The following PTCHD4 variants were observed in gnomAD, a reference collection of about 807,000 sequenced individuals.
PTCHD4 encodes the protein patched domain containing 4.
A neutral mutation model predicts 58.1 loss-of-function variants in PTCHD4; 33 were observed. That is an observed-to-expected ratio of 0.57 (90% CI 0.43 to 0.76). The LOEUF (loss-of-function observed/expected upper bound fraction) is 0.76, where lower values mean the gene tolerates loss of function less well. Among genes scored for constraint, PTCHD4 ranks in the 30% least tolerant of loss-of-function variants. The pLI is 0.00. For missense variants in PTCHD4, 1,058 were observed against 1,027.1 expected (o/e 1.03, Z -0.41); for synonymous variants, 478 against 409.6 (o/e 1.17, Z -2.02).
intron 4 of PTCHD4, among the ~76,000 whole-genome samples, chr6:47,920,386 G>A (rs536383438): frequency 1.3e-5 from 2 of 152,260 alleles, no homozygotes; most frequent in Non-Finnish European, 2.9e-5. Flanking sequence ...GGGTCCAGAT[G>A]GGGAAACCTA....
chr6:47,933,509 A>C (rs1023523868), intron 4 of PTCHD4, among the ~76,000 whole-genome samples: 4 of 152,226 alleles, frequency 2.6e-5, no homozygotes, highest in Non-Finnish European at 5.9e-5. Context: ...TCCTGACTAT[A>C]AATCTCAATA....
At chr6:48,004,254 C>T (rs1409360729) in intron 4 of PTCHD4, among the ~76,000 whole-genome samples, 1 of 152,112 alleles carries the variant, frequency 6.6e-6, no homozygotes, top group East Asian at 1.9e-4. Context: ...ATCTGAAAGG[C>T]TTGTTTTTAC....
chr6:48,034,980 G>A (rs1763578992), intron 3 of PTCHD4, among the ~76,000 whole-genome samples: 1 of 152,048 alleles, frequency 6.6e-6, no homozygotes, highest in Non-Finnish European at 1.5e-5. Flanking sequence ...CCGAAGAAGG[G>A]GCGGGGACAT....
intron 1 of PTCHD4, among the ~76,000 whole-genome samples, chr6:48,110,183 A>G (rs972333586): frequency 6.6e-6 from 1 of 152,240 alleles, no homozygotes; most frequent in Non-Finnish European, 1.5e-5. Context: ...CATTATTTAC[A>G]ATAGCCAAAA....
chr6:48,059,675 T>A (rs1421327521), intron 3 of PTCHD4, among the ~76,000 whole-genome samples: 5 of 151,982 alleles, frequency 3.3e-5, no homozygotes, highest in Admixed American at 3.3e-4. Flanking sequence ...CCTAAAGTCA[T>A]AGACTTAATG....
At chr6:48,062,664 C>G (rs906505775) in intron 3 of PTCHD4, among the ~76,000 whole-genome samples, 3 of 152,050 alleles carry the variant, frequency 2.0e-5, no homozygotes, top group Non-Finnish European at 4.4e-5. Context: ...AGAACTTATC[C>G]CAATAGGATG....
intron 4 of PTCHD4, among the ~76,000 whole-genome samples, chr6:47,914,284 G>T (rs1765160645): frequency 1.3e-5 from 2 of 152,118 alleles, no homozygotes; most frequent in Admixed American, 1.3e-4. Flanking sequence ...ATGTGCAGGA[G>T]TTTGGTTAAA....
chr6:48,102,203 G>A (rs1765618632), intron 1 of PTCHD4, among the ~76,000 whole-genome samples: 2 of 152,212 alleles, frequency 1.3e-5, no homozygotes, highest in African/African-American at 4.8e-5. Context: ...GAGAGAGACA[G>A]TGGTTGTGAT....
chr6:48,006,373 T>G (rs943110223), intron 4 of PTCHD4, among the ~76,000 whole-genome samples: 2 of 152,228 alleles, frequency 1.3e-5, no homozygotes, highest in Non-Finnish European at 2.9e-5. Context: ...GTAGTTTTTC[T>G]CTTTATTTTA....
chr6:47,919,511 T>C (rs962575357), intron 4 of PTCHD4, among the ~76,000 whole-genome samples: 13 of 152,052 alleles, frequency 8.5e-5, no homozygotes, highest in Admixed American at 7.9e-4. Context: ...TAAGAAGGAG[T>C]TAAATATCTA....
At chr6:48,091,409 C>A (rs1171315191) in intron 1 of PTCHD4, among the ~76,000 whole-genome samples, 1 of 152,078 alleles carries the variant, frequency 6.6e-6, no homozygotes, top group Non-Finnish European at 1.5e-5. Context: ...AGGCCCCACC[C>A]AGACCTTCTG....
intron 3 of PTCHD4, among the ~76,000 whole-genome samples, chr6:48,047,937 C>T (rs902190036): frequency 6.9e-6 from 1 of 143,994 alleles, no homozygotes; most frequent in Admixed American, 7.2e-5. Flanking sequence ...TAAGAGCATA[C>T]AAATGTAATA....
chr6:47,877,281 G>T lies in PTCHD4; in HGVS notation c.*1022C>A, dbSNP rs1763872535. ...AAAATAAGAACGGTGTAACTATGGA[G>T]TACCCCAACTCACATACACATACTT... On this transcript the variant is annotated 3_prime_UTR_variant, in exon 5 of 5. Transcript: ENST00000339488. Among the ~76,000 whole-genome samples, 1 of 151,934 alleles carries T rather than the reference G, an allele frequency of 6.6e-6. No individual in the cohort carries two copies. Among genetic ancestry groups the T allele is most frequent in the Non-Finnish European group, 1.5e-5 (1 of 67,962 alleles).
intron 3 of PTCHD4, among the ~76,000 whole-genome samples, chr6:48,066,915 G>T (rs528566890): frequency 2.6e-5 from 4 of 151,304 alleles, no homozygotes; most frequent in Non-Finnish European, 5.9e-5. Context: ...TCCTGAAAAA[G>T]GTTTTTTTTT....
intron 3 of PTCHD4, among the ~76,000 whole-genome samples, chr6:48,047,970 A>G (rs1764096444): frequency 6.6e-6 from 1 of 151,438 alleles, no homozygotes; most frequent in Admixed American, 6.6e-5. Context: ...ATTCTCTCAC[A>G]TATGAAAATG....
At chr6:48,059,173 C>T (rs1764526765) in intron 3 of PTCHD4, among the ~76,000 whole-genome samples, 1 of 152,150 alleles carries the variant, frequency 6.6e-6, no homozygotes. Flanking sequence ...CGGGAGCTTG[C>T]TTGAAATGCA....
In PTCHD4 at chr6:47,879,455, C is replaced by A; in HGVS notation, c.1380G>T (p.Val460=). The change falls in exon 5 of 5, where the codon GTG becomes GTT. Residue 460 remains valine (V), a synonymous_variant. Coordinates refer to ENST00000339488, the MANE Select transcript of PTCHD4 (RefSeq NM_001384253.1). ...HYNEWITNIY[V]KPFVVILYLI... ...GATAGAGGATGACAACAAATGGCTT[C>A]ACATATATATTGGTAATCCATTCAT... The A allele has an allele frequency of 6.2e-7, 1 of 1,613,572 alleles. No individual in the cohort carries two copies. The highest frequency in any genetic ancestry group is 8.5e-7 in the Non-Finnish European group (1 of 1,179,690).
At chr6:47,885,737 T>C (rs1476758688) in intron 4 of PTCHD4, among the ~76,000 whole-genome samples, 1 of 152,248 alleles carries the variant, frequency 6.6e-6, no homozygotes, top group Non-Finnish European at 1.5e-5. Context: ...ACTCTTCTAA[T>C]GTAAGCTTCC....
chr6:48,015,120 C>G (rs1762823156), intron 3 of PTCHD4, among the ~76,000 whole-genome samples: 1 of 150,542 alleles, frequency 6.6e-6, no homozygotes, highest in Admixed American at 6.6e-5. Context: ...CCAATAAAGA[C>G]AAGTCTTAAA....
Sources: allele counts gnomAD v4.1 joint callset (sites outside exome capture counted in the v4.1 genomes callset), GRCh38; gene constraint gnomAD v4.1.1; transcripts MANE v1.5; gene names NCBI Gene and HGNC (gene_info 2026-07-23, HGNC 2026-07-21).